Variants in CNTNAP2 observed in about 807,000 individuals in gnomAD.
CNTNAP2 encodes the protein contactin associated protein 2, also known as contactin-associated protein-like 2.
Under a neutral mutation model 155.2 loss-of-function variants are expected in CNTNAP2, and 98 were observed. The observed-to-expected ratio is 0.63, with a 90% CI of 0.54 to 0.75. CNTNAP2 has a LOEUF of 0.75. Ranked by LOEUF, CNTNAP2 falls within the 30% of genes least tolerant of loss-of-function variation. CNTNAP2 has a pLI of 0.00. For missense variants in CNTNAP2, 1,727 were observed against 1,688.1 expected (o/e 1.02, Z -0.40); for synonymous variants, 651 against 631.2 (o/e 1.03, Z -0.47).
chr7:146,951,898 C>T (rs547804648), intron 3 of CNTNAP2, among the ~76,000 whole-genome samples: 24 of 152,096 alleles, frequency 1.6e-4, no homozygotes, highest in Admixed American at 6.6e-4. Context: ...TGGCCATTTT[C>T]GCGATATTGA....
intron 1 of CNTNAP2, among the ~76,000 whole-genome samples, chr7:146,652,891 C>T (rs1362481661): frequency 1.3e-5 from 2 of 152,096 alleles, no homozygotes; most frequent in East Asian, 1.9e-4. Context: ...TGGATAACTT[C>T]CTTATGTTGT....
intron 3 of CNTNAP2, among the ~76,000 whole-genome samples, chr7:147,006,891 T>G (rs190252445): frequency 3.3e-5 from 5 of 152,156 alleles, no homozygotes; most frequent in African/African-American, 1.2e-4. Context: ...GCAATGTTTA[T>G]TTAAAGGAAA....
At chr7:148,047,491 C>T (rs1419126116) in intron 15 of CNTNAP2, among the ~76,000 whole-genome samples, 3 of 152,012 alleles carry the variant, frequency 2.0e-5, no homozygotes, top group Non-Finnish European at 2.9e-5. Flanking sequence ...GAACACTGGA[C>T]GACACTCAAC....
chr7:147,361,759 A>C (rs1796151254), intron 9 of CNTNAP2, among the ~76,000 whole-genome samples: 1 of 152,180 alleles, frequency 6.6e-6, no homozygotes, highest in Non-Finnish European at 1.5e-5. Flanking sequence ...CTTACTCAAT[A>C]AGATAAGATA....
chr7:146,501,247 G>C (rs1797296292), intron 1 of CNTNAP2, among the ~76,000 whole-genome samples: 1 of 152,070 alleles, frequency 6.6e-6, no homozygotes, highest in Non-Finnish European at 1.5e-5. Context: ...ACTGGGAAGT[G>C]TTCCCTTCTA....
At chr7:147,887,555 G>A (rs1799623116) in intron 13 of CNTNAP2, among the ~76,000 whole-genome samples, 2 of 152,086 alleles carry the variant, frequency 1.3e-5, no homozygotes, top group East Asian at 1.9e-4. Context: ...GATCCTTGAG[G>A]CCTAAAATGA....
At chr7:147,264,470 G>C (rs545084148) in intron 8 of CNTNAP2, among the ~76,000 whole-genome samples, 8 of 151,926 alleles carry the variant, frequency 5.3e-5, no homozygotes, top group African/African-American at 1.9e-4. Flanking sequence ...GGAAGTGAGG[G>C]GTTGTGAATA....
intron 1 of CNTNAP2, among the ~76,000 whole-genome samples, chr7:146,442,977 C>A (rs769661222): frequency 6.6e-6 from 1 of 151,788 alleles, no homozygotes; most frequent in African/African-American, 2.4e-5. Context: ...GAGGCCGAGG[C>A]GGGCAGATCA....
chr7:147,894,987 T>TTTTTTTTTTTTTC, intron 13 of CNTNAP2, among the ~76,000 whole-genome samples: 1 of 126,686 alleles, frequency 7.9e-6, no homozygotes. Flanking sequence ...TTTTTTTTTT[T>TTTTTTTTTTTTTC]TGAGACAGAG....
chr7:147,745,572 G>A (rs1797024502), intron 13 of CNTNAP2, among the ~76,000 whole-genome samples: 1 of 152,132 alleles, frequency 6.6e-6, no homozygotes, highest in African/African-American at 2.4e-5. Flanking sequence ...ATTACACGAT[G>A]TCTTAACATG....
chr7:148,178,600 A>T (rs1794985320), intron 18 of CNTNAP2, among the ~76,000 whole-genome samples: 1 of 152,248 alleles, frequency 6.6e-6, no homozygotes, highest in Admixed American at 6.5e-5. Flanking sequence ...AACCTATAAG[A>T]TGATGATGGA....
At chr7:147,155,448 G>A (rs1486727743) in intron 8 of CNTNAP2, among the ~76,000 whole-genome samples, 1 of 152,152 alleles carries the variant, frequency 6.6e-6, no homozygotes, top group Non-Finnish European at 1.5e-5. Context: ...AAGGGGAAGA[G>A]TTTGAACTAT....
At chr7:148,092,349 A>T (rs1803861311) in intron 15 of CNTNAP2, among the ~76,000 whole-genome samples, 1 of 152,178 alleles carries the variant, frequency 6.6e-6, no homozygotes, top group South Asian at 2.1e-4. Flanking sequence ...CATCTTAATG[A>T]GTGGCATGAT....
chr7:148,142,341 G>C (rs561257087), intron 16 of CNTNAP2, among the ~76,000 whole-genome samples: 1 of 151,816 alleles, frequency 6.6e-6, no homozygotes, highest in African/African-American at 2.4e-5. Context: ...TGACCCTTTC[G>C]TGTTAAATAA....
intron 15 of CNTNAP2, among the ~76,000 whole-genome samples, chr7:148,015,485 C>G (rs1802162000): frequency 6.6e-6 from 1 of 152,206 alleles, no homozygotes; most frequent in African/African-American, 2.4e-5. Flanking sequence ...CGGCGAGACC[C>G]AGTGTCACAG....
At chr7:148,311,872 C>CAG (rs1218319368) in intron 21 of CNTNAP2, among the ~76,000 whole-genome samples, 1 of 152,036 alleles carries the variant, frequency 6.6e-6, no homozygotes, top group African/African-American at 2.4e-5. Context: ...TCAAGTGGAT[C>CAG]AGAGAGATAC....
At position 147,782,021 on chromosome 7, in the gene CNTNAP2, T is replaced by TAAA. The variant is rs11390927; in HGVS notation, c.2099-121528_2099-121526dup. The stretch of plus-strand genomic sequence containing the variant: ...CTGGGCGACAGAGCAAGATTCCGTT[T>TAAA]AAAAAAAAAAAAAAAAAATCCTCCA... On this transcript the variant is annotated intron_variant, in intron 13 of 23. Transcript: ENST00000361727. 1.2e-3 allele frequency among the ~76,000 whole-genome samples: 159 copies of TAAA among 137,822 alleles called. 1 individual carries two copies. Among genetic ancestry groups the TAAA allele is most frequent in the African/African-American group, 3.8e-3 (143 of 37,300 alleles). The allele number at this position is 137,822 out of a possible 152,430, so 90.4% of individuals were successfully genotyped here. A position where few individuals can be genotyped will look rare whatever the true frequency, so the allele number is the denominator to read the frequency against.
chr7:147,705,656 G>A (rs966609225), intron 13 of CNTNAP2, among the ~76,000 whole-genome samples: 1 of 152,104 alleles, frequency 6.6e-6, no homozygotes, highest in African/African-American at 2.4e-5. Context: ...AGGTGTTGAA[G>A]TTCCCAACTA....
chr7:146,522,123 T>C (rs999733047), intron 1 of CNTNAP2, among the ~76,000 whole-genome samples: 3 of 152,072 alleles, frequency 2.0e-5, no homozygotes, highest in Non-Finnish European at 2.9e-5. Context: ...AAGATCGTCA[T>C]TCTTCCTTAA....
Sources: allele counts gnomAD v4.1 joint callset (sites outside exome capture counted in the v4.1 genomes callset), GRCh38; gene constraint gnomAD v4.1.1; transcripts MANE v1.5; gene names NCBI Gene and HGNC (gene_info 2026-07-23, HGNC 2026-07-21).